Variants in LRRN2 observed in about 807,000 individuals in gnomAD.
LRRN2 encodes leucine-rich repeat neuronal protein 2.
LRRN2 carries 10 observed loss-of-function variants against 35.7 expected under a neutral mutation model. That is an observed-to-expected ratio of 0.28 (90% CI 0.17 to 0.47). The LOEUF (loss-of-function observed/expected upper bound fraction) is 0.47, where lower values mean the gene tolerates loss of function less well. Among genes scored for constraint, LRRN2 ranks in the 20% least tolerant of loss-of-function variants. The pLI, the probability that LRRN2 is intolerant of heterozygous loss-of-function variation, is 0.99. For synonymous variants in LRRN2, 391 were observed against 409.6 expected, an observed-to-expected ratio of 0.95 and a Z score of 0.55; for missense variants, 731 against 940.3, an observed-to-expected ratio of 0.78 and a Z score of 2.91.
intron 1 of LRRN2, among the ~76,000 whole-genome samples, chr1:204,641,339 T>C (rs1339846873): frequency 2.6e-5 from 4 of 152,230 alleles, no homozygotes; most frequent in Admixed American, 1.3e-4. Context: ...TAGTTTACTA[T>C]GGCATGCGGA....
At chr1:204,681,117 C>T (rs901804117) in intron 1 of LRRN2, among the ~76,000 whole-genome samples, 4 of 152,048 alleles carry the variant, frequency 2.6e-5, no homozygotes, top group Non-Finnish European at 4.4e-5. Flanking sequence ...CCACCACGCC[C>T]GGCTAATCTT....
In LRRN2 at chr1:204,618,084, G is replaced by A. The variant is rs1180738604; in HGVS notation, c.1909C>T (p.Leu637Phe). 6.2e-7 allele frequency: 1 copy of A among 1,614,020 alleles called. No homozygotes were observed. Among genetic ancestry groups the A allele is most frequent in the Admixed American group, 1.7e-5 (1 of 60,026 alleles). The part of the protein sequence containing the change: ...DRPGLIAILA[L>F]AVLLLAAGLA... ...CCAGCTGCCAGGAGAAGGACAGCGA[G>A]AGCCAGGATGGCAATGAGCCCAGGA... Residue 637 changes from leucine to phenylalanine, a missense_variant, in exon 2 of 2, where the codon CTC becomes TTC. By Grantham distance (22) the Leu-to-Phe change is conservative. Transcript: ENST00000367177.
At chr1:204,636,466 T>C (rs1229415954) in intron 1 of LRRN2, among the ~76,000 whole-genome samples, 1 of 152,216 alleles carries the variant, frequency 6.6e-6, no homozygotes. Flanking sequence ...CCAGGCACAG[T>C]GGCTCGTGCC....
At chr1:204,624,535 G>T (rs1244874226) in intron 1 of LRRN2, among the ~76,000 whole-genome samples, 1 of 152,224 alleles carries the variant, frequency 6.6e-6, no homozygotes, top group Non-Finnish European at 1.5e-5. Context: ...TGTGGATTTA[G>T]CGGAAACTGT....
chr1:204,620,317 C>A, intron 1 of LRRN2, 99 bp from the exon 2 acceptor site: 1 of 832,022 alleles, frequency 1.2e-6, no homozygotes, highest in Non-Finnish European at 1.7e-6. Context: ...ATTCTGTCAC[C>A]CAGGCTGGAG....
intron 1 of LRRN2, among the ~76,000 whole-genome samples, chr1:204,658,827 T>C (rs1334438447): frequency 1.3e-5 from 2 of 152,242 alleles, no homozygotes; most frequent in East Asian, 1.9e-4. Flanking sequence ...TCCCCTGCCC[T>C]TGTGGGCCTG....
At chr1:204,683,745 C>G (rs1261887493) in intron 1 of LRRN2, among the ~76,000 whole-genome samples, 1 of 152,134 alleles carries the variant, frequency 6.6e-6, no homozygotes, top group African/African-American at 2.4e-5. Flanking sequence ...CATCCCAGGA[C>G]CAGAGAGAGC....
chr1:204,644,462 T>C (rs908725550), intron 1 of LRRN2, among the ~76,000 whole-genome samples: 1 of 152,164 alleles, frequency 6.6e-6, no homozygotes, highest in South Asian at 2.1e-4. Flanking sequence ...CCTCCTCTTC[T>C]TTTTCCCCTG....
rs539261425 is a variant in LRRN2, at chr1:204,661,289, C to A, written c.-227+24031G>T. Among the ~76,000 whole-genome samples the A allele has an allele frequency of 5.9e-5, 9 of 152,178 alleles. No homozygotes were observed. In the South Asian group the frequency reaches 1.9e-3, roughly 32 times the overall value. Reference sequence around the variant, plus strand: ...TGCTAGAATGCTGAGTGTAAGAGAGCCTTTTAGGGGGCTAGAAATGTCCTA... The same window carrying A: ...TGCTAGAATGCTGAGTGTAAGAGAGACTTTTAGGGGGCTAGAAATGTCCTA... On this transcript the variant is annotated intron_variant, in intron 1 of 1. Transcript: ENST00000367177.
intron 1 of LRRN2, among the ~76,000 whole-genome samples, chr1:204,623,260 T>C (rs1667052778): frequency 1.3e-5 from 2 of 152,212 alleles, no homozygotes; most frequent in Non-Finnish European, 2.9e-5. Flanking sequence ...CACTTGGTTC[T>C]AAGCGCTGAG....
Position 204,657,032 on chromosome 1 carries a change from T to C in LRRN2, c.-227+28288A>G, listed in dbSNP as rs190545505. Among the ~76,000 whole-genome samples, 29 of 152,268 alleles carry C rather than the reference T, an allele frequency of 1.9e-4. 1 individual carries two copies. The highest frequency in any genetic ancestry group is 1.8e-3 in the Admixed American group (28 of 15,278). On this transcript the variant is annotated intron_variant, in intron 1 of 1. Transcript: ENST00000367177. ...AAAAATATGGTATATCTGACAGGCG[T>C]GGTGGCTCACGTCTGTAATCCCAGC... is the stretch of plus-strand genomic sequence containing the variant.
chr1:204,618,677 T>C lies in LRRN2; in HGVS notation c.1316A>G (p.Glu439Gly). The change falls in exon 2 of 2, where the codon GAG becomes GGG. Residue 439 changes from glutamate (E) to glycine (G), a missense_variant. By Grantham distance (98) the Glu-to-Gly change is moderately conservative. Transcript: ENST00000367177. ...TGCCCGGCAATGCAGCACCATGCTC[T>C]CTCCACTGGCTACCTGGAGGCTTGG... Reference protein sequence around the residue: ...FPPSLQVASGESMVLHCRALA... With the variant: ...FPPSLQVASGGSMVLHCRALA... 1 of 1,601,340 alleles carries C rather than the reference T, an allele frequency of 6.2e-7. No homozygotes were observed. The highest frequency in any genetic ancestry group is 1.3e-5 in the African/African-American group (1 of 74,916).
At chr1:204,672,445 T>C (rs1199927330) in intron 1 of LRRN2, among the ~76,000 whole-genome samples, 1 of 152,172 alleles carries the variant, frequency 6.6e-6, no homozygotes, top group Non-Finnish European at 1.5e-5. Context: ...TTGGGTCAAT[T>C]GGGGTCCCTG....
Position 204,619,069 on chromosome 1 carries a change from G to T in LRRN2, c.924C>A (p.Asn308Lys), listed in dbSNP as rs1666635672. 6.2e-7 allele frequency: 1 copy of T among 1,606,572 alleles called. No homozygotes were observed. Among genetic ancestry groups the T allele is most frequent in the Admixed American group, 1.7e-5 (1 of 59,598 alleles). The change falls in exon 2 of 2, where the codon AAC becomes AAA. Residue 308 changes from asparagine (N) to lysine (K), a missense_variant. Asn to Lys is a moderately conservative substitution (Grantham distance 94). Around this residue, in one of 3 missense-constraint regions of LRRN2, gnomAD observed 256 missense variants for 392.4 expected, o/e 0.65. Coordinates refer to ENST00000367177, the MANE Select transcript of LRRN2 (RefSeq NM_201630.2). The stretch of plus-strand genomic sequence containing the variant: ...TGTCCAGCTTGGTCAGCTCGGGGAG[G>T]TTCACCAGGGCAAACTTGTCGATGG... ...LVSIDKFALV[N>K]LPELTKLDIT...
intron 1 of LRRN2, among the ~76,000 whole-genome samples, chr1:204,669,142 C>T (rs2782523): frequency 0.91 from 139,086 of 152,286 alleles, 64,441 homozygotes; most frequent in East Asian, 1. Context: ...GCTTTTCACA[C>T]GTGAAAGATT....
At chr1:204,652,757 T>C (rs1391865195) in intron 1 of LRRN2, among the ~76,000 whole-genome samples, 1 of 152,154 alleles carries the variant, frequency 6.6e-6, no homozygotes, top group East Asian at 1.9e-4. Flanking sequence ...CTCCTCAGGG[T>C]GGAGCCCGGA....
intron 1 of LRRN2, among the ~76,000 whole-genome samples, chr1:204,636,273 T>C (rs879251859): frequency 2.0e-5 from 3 of 152,162 alleles, no homozygotes; most frequent in Non-Finnish European, 4.4e-5. Context: ...CATTGGATAA[T>C]GAGATCCCCC....
intron 1 of LRRN2, among the ~76,000 whole-genome samples, chr1:204,642,536 G>T (rs1193532488): frequency 1.0e-5 from 1 of 95,328 alleles, no homozygotes; most frequent in Non-Finnish European, 2.5e-5. Flanking sequence ...TAGGCAAAAA[G>T]GTGCCAGCTC....
intron 1 of LRRN2, among the ~76,000 whole-genome samples, chr1:204,666,481 A>ACTTAATCC (rs751907649): frequency 2.0e-5 from 3 of 152,244 alleles, no homozygotes; most frequent in African/African-American, 4.8e-5. Flanking sequence ...CTTGCTAGTC[A>ACTTAATCC]TGTGATCCTG....
Sources: allele counts gnomAD v4.1 joint callset (sites outside exome capture counted in the v4.1 genomes callset), GRCh38; gene constraint gnomAD v4.1.1; regional missense constraint gnomAD v4.1.1; transcripts MANE v1.5; gene names NCBI Gene and HGNC (gene_info 2026-07-23, HGNC 2026-07-21).